Variants in STRAP observed in about 807,000 individuals in gnomAD.
STRAP encodes serine-threonine kinase receptor-associated protein.
A neutral mutation model predicts 47.0 loss-of-function variants in STRAP; 16 were observed. That is an observed-to-expected ratio of 0.34 (90% CI 0.23 to 0.52). STRAP has a LOEUF of 0.52. STRAP is among the 20% of genes least tolerant of loss of function. STRAP has a pLI of 0.96. For synonymous variants in STRAP, 130 were observed against 142.7 expected, an observed-to-expected ratio of 0.91 and a Z score of 0.63; for missense variants, 293 against 420.0, an observed-to-expected ratio of 0.70 and a Z score of 2.64.
chr12:15,892,045 C>A lies in STRAP; in HGVS notation c.403+1376C>A, dbSNP rs76967972. On this transcript the variant is annotated intron_variant, in intron 4 of 9. Transcript: ENST00000419869. ...TGTATGTATCTATACCCAACATGTT[C>A]TAGTGAGCACTGATAACTAACTTTC... 1.7e-3 allele frequency among the ~76,000 whole-genome samples: 261 copies of A among 152,232 alleles called. 7 individuals carry two copies. The East Asian group carries it at 0.043, about 25-fold the overall frequency.
At chr12:15,883,050 C>G (rs919837319) in intron 1 of STRAP, 7 of 1,535,300 alleles carry the variant, frequency 4.6e-6, no homozygotes, top group Middle Eastern at 1.7e-4. Flanking sequence ...TAAGACCTCT[C>G]TCCTTATTTT....
chr12:15,884,659 C>G (rs966168834), intron 2 of STRAP, among the ~76,000 whole-genome samples: 1 of 152,178 alleles, frequency 6.6e-6, no homozygotes, highest in Non-Finnish European at 1.5e-5. Context: ...CTCAGCCTCT[C>G]AAAGAGCTGG....
intron 1 of STRAP, 182 bp downstream of exon 1, chr12:15,883,001 A>G (rs1947936465): frequency 6.8e-7 from 1 of 1,476,510 alleles, no homozygotes. Flanking sequence ...CCGCAGCTGG[A>G]GCCGAGAGGA....
chr12:15,885,261 T>C (rs1947960628), intron 2 of STRAP, among the ~76,000 whole-genome samples: 1 of 145,362 alleles, frequency 6.9e-6, no homozygotes, highest in Non-Finnish European at 1.5e-5. Context: ...CAGTCTCGGC[T>C]CACTGCAACC....
At chr12:15,898,237 TC>T (rs2136112957) in intron 7 of STRAP, 1 of 272,140 alleles carries the variant, frequency 3.7e-6, no homozygotes, top group South Asian at 6.5e-5. Context: ...CAGAAATTTA[TC>T]CTTTTAACTA....
rs1256726470 is a variant in STRAP at position 15,894,449 on chromosome 12, A to G, written c.500+306A>G. Among the ~76,000 whole-genome samples the G allele has an allele frequency of 6.6e-6, 1 of 152,226 alleles. No homozygotes were observed. Among genetic ancestry groups the G allele is most frequent in the Non-Finnish European group, 1.5e-5 (1 of 68,036 alleles). On this transcript the variant is annotated intron_variant, in intron 5 of 9. Transcript: ENST00000419869. This position sits in a 1 kb window ranked among gnomAD's most constrained non-coding sequence, Gnocchi z 4.9. ...ACTCTAGCCTGGGCGACAGAGCTAG[A>G]CTGTCTCAAAAGAAAAACAAACTTA...
rs535908183 is a variant in STRAP at position 15,885,369 on chromosome 12, A to G, written c.248+1693A>G. ...ACGCCTGGCTAATTTTTGTATATTT[A>G]GTAGAGACGGGGTTTCGCCATGTTG... is the stretch of plus-strand genomic sequence containing the variant. On this transcript the variant is annotated intron_variant, in intron 2 of 9. Transcript: ENST00000419869. 1.7e-3 allele frequency among the ~76,000 whole-genome samples: 260 copies of G among 151,554 alleles called. 2 individuals carry two copies. The highest frequency in any genetic ancestry group is 6.1e-3 in the African/African-American group (250 of 41,320).
intron 4 of STRAP, among the ~76,000 whole-genome samples, chr12:15,893,832 A>G (rs971219401): frequency 2.6e-5 from 4 of 151,858 alleles, no homozygotes; most frequent in African/African-American, 9.7e-5. Context: ...CAAGCATGGT[A>G]GTTCCTTGGG....
chr12:15,900,764 A>G (rs911542236), intron 8 of STRAP, 183 bp from the exon 9 acceptor site: 7 of 430,320 alleles, frequency 1.6e-5, no homozygotes, highest in Non-Finnish European at 2.8e-5. Flanking sequence ...TATGAACCTA[A>G]AAGTAATTTT....
At chr12:15,891,080 A>G (rs577907807) in intron 4 of STRAP, among the ~76,000 whole-genome samples, 2 of 152,276 alleles carry the variant, frequency 1.3e-5, no homozygotes, top group Admixed American at 1.3e-4. Flanking sequence ...AAAATAGTCA[A>G]CAAAGAAGAA....
At position 15,886,820 on chromosome 12, in the gene STRAP, C is replaced by T. The variant is rs565616260; in HGVS notation, c.249-3108C>T. 7.2e-5 allele frequency among the ~76,000 whole-genome samples: 11 copies of T among 152,216 alleles called. No individual in the cohort carries two copies. In the South Asian group the frequency reaches 2.3e-3, roughly 32 times the overall value. On this transcript the variant is annotated intron_variant, in intron 2 of 9. Coordinates refer to ENST00000419869, the MANE Select transcript of STRAP (RefSeq NM_007178.4). ...TGGTCATTTAGAAGTGGAATTTGGT[C>T]CCGTTTCTTGTGGAGAAATTTAGCA...
rs1320502606 is a variant in STRAP at position 15,890,594 on chromosome 12, C to T, written c.331-3C>T. The T allele has an allele frequency of 6.2e-7, 1 of 1,606,740 alleles. No homozygotes were observed. Among genetic ancestry groups the T allele is most frequent in the Non-Finnish European group, 8.5e-7 (1 of 1,176,826 alleles). On this transcript the variant is annotated splice_region_variant and splice_polypyrimidine_tract_variant and intron_variant, in intron 3 of 9. Coordinates refer to ENST00000419869, the MANE Select transcript of STRAP (RefSeq NM_007178.4). This position sits in a 1 kb window ranked among gnomAD's most constrained non-coding sequence, Gnocchi z 4.5. ...CTATTCACATTTTACTTTGTGTTTT[C>T]AGGATAGTAATTATTTGTTAACCGG...
At chr12:15,886,817 G>C (rs1342577184) in intron 2 of STRAP, among the ~76,000 whole-genome samples, 1 of 152,110 alleles carries the variant, frequency 6.6e-6, no homozygotes, top group Non-Finnish European at 1.5e-5. Flanking sequence ...AGTGGAATTT[G>C]GTCCCGTTTC....
At position 15,898,646 on chromosome 12, in the gene STRAP, T is replaced by C. The variant is rs183285189; in HGVS notation, c.775+628T>C. Among the ~76,000 whole-genome samples the C allele has an allele frequency of 3.7e-3, 561 of 152,356 alleles. 5 individuals are homozygous for C. Among genetic ancestry groups the C allele is most frequent in the African/African-American group, 0.012 (511 of 41,574 alleles). On this transcript the variant is annotated intron_variant, in intron 7 of 9. Coordinates refer to ENST00000419869, the MANE Select transcript of STRAP (RefSeq NM_007178.4). ...CATGGGGATTAATTTGAAGTTAATG[T>C]ATATTTATCTGATGGACCAGGTATT...
rs190124295 is a variant in STRAP at position 15,891,375 on chromosome 12, A to C, written c.403+706A>C. On this transcript the variant is annotated intron_variant, in intron 4 of 9. Transcript: ENST00000419869. Reference sequence around the variant, plus strand: ...TTTGAACCATGTAAATATATTAGCTATTCGAAAGAATTTTAAAAAATCTGC... The same window carrying C: ...TTTGAACCATGTAAATATATTAGCTCTTCGAAAGAATTTTAAAAAATCTGC... Among the ~76,000 whole-genome samples the C allele has an allele frequency of 3.9e-5, 6 of 152,210 alleles. No homozygotes were observed. In the South Asian group the frequency reaches 1.0e-3, roughly 26 times the overall value.
In STRAP at chr12:15,882,645, G is replaced by A. The variant is rs1321742004; in HGVS notation, c.-63G>A. 67 of 1,418,892 alleles carry A rather than the reference G, an allele frequency of 4.7e-5. No individual in the cohort carries two copies. Among genetic ancestry groups the A allele is most frequent in the Admixed American group, 1.3e-4 (7 of 52,286 alleles). The allele number at this position is 1,418,892 out of a possible 1,614,324, so 87.9% of individuals were successfully genotyped here. On this transcript the variant is annotated 5_prime_UTR_variant, in exon 1 of 10. Coordinates refer to ENST00000419869, the MANE Select transcript of STRAP (RefSeq NM_007178.4). ...TGGAGCAGCCCGAGGCACTGCAGCAGAAGAGAGAAAAGACAACGACGACCC... is the reference window on the plus strand; with the variant it reads ...TGGAGCAGCCCGAGGCACTGCAGCAAAAGAGAGAAAAGACAACGACGACCC...
intron 9 of STRAP, 121 bp from the exon 10 acceptor site, chr12:15,902,796 C>G: frequency 5.6e-6 from 7 of 1,241,930 alleles, no homozygotes; most frequent in Middle Eastern, 5.9e-4. Flanking sequence ...CTTTCCCTTA[C>G]CACAGTATGC....
Position 15,889,217 on chromosome 12 carries a change from A to G in STRAP, c.249-711A>G, listed in dbSNP as rs1032090719. 8.5e-5 allele frequency among the ~76,000 whole-genome samples: 13 copies of G among 152,280 alleles called. No individual in the cohort carries two copies. The East Asian group carries it at 2.1e-3, about 25-fold the overall frequency. On this transcript the variant is annotated intron_variant, in intron 2 of 9. Coordinates refer to ENST00000419869, the MANE Select transcript of STRAP (RefSeq NM_007178.4). ...TTACCCGCCCAGAATATACATACAC[A>G]TATAAATGTATGTATACCTATAACC...
Position 15,890,617 on chromosome 12 carries a change from C to T in STRAP, c.351C>T (p.Thr117=), listed in dbSNP as rs149919648. 38 of 1,610,456 alleles carry T rather than the reference C, an allele frequency of 2.4e-5. No individual in the cohort carries two copies. The highest frequency in any genetic ancestry group is 6.7e-5 in the African/African-American group (5 of 74,558). The part of the protein sequence containing the change: ...DFTQDSNYLL[T]GGQDKLLRIY... ...TTCAGGATAGTAATTATTTGTTAACCGGGGGACAGGATAAACTGTTACGCA... is the reference window on the plus strand; with the variant it reads ...TTCAGGATAGTAATTATTTGTTAACTGGGGGACAGGATAAACTGTTACGCA... Residue 117 remains threonine (T), a synonymous_variant, in exon 4 of 10, where the codon ACC becomes ACT. Coordinates refer to ENST00000419869, the MANE Select transcript of STRAP (RefSeq NM_007178.4). The surrounding 1 kb of genome is among the most constrained non-coding windows in gnomAD (Gnocchi z 4.5).
Sources: gnomAD v4.1 joint callset for allele counts (sites outside exome capture counted in the v4.1 genomes callset) on GRCh38, gnomAD v4.1.1 for gene constraint, Gnocchi (gnomAD v3.1) non-coding constraint, MANE v1.5 for transcripts, NCBI Gene and HGNC (gene_info 2026-07-23, HGNC 2026-07-21) for gene names.